Variants in FUT8 observed in about 807,000 individuals in gnomAD.
FUT8 encodes alpha-(1,6)-fucosyltransferase.
Under a neutral mutation model 71.3 loss-of-function variants are expected in FUT8, and 29 were observed. That is an observed-to-expected ratio of 0.41 (90% CI 0.30 to 0.55). The LOEUF (loss-of-function observed/expected upper bound fraction) is 0.55, where lower values mean the gene tolerates loss of function less well. Among genes scored for constraint, FUT8 ranks in the 20% least tolerant of loss-of-function variants. The pLI, the probability that FUT8 is intolerant of heterozygous loss-of-function variation, is 0.34. For missense variants in FUT8, 544 were observed against 702.1 expected (o/e 0.77, Z 2.55); for synonymous variants, 254 against 239.3 (o/e 1.06, Z -0.57).
intron 7 of FUT8, among the ~76,000 whole-genome samples, chr14:65,671,249 A>G (rs1281841136): frequency 1.3e-5 from 2 of 152,152 alleles, no homozygotes; most frequent in African/African-American, 2.4e-5. Flanking sequence ...GGTTTAATAT[A>G]TAGTTTAGCC....
intron 2 of FUT8, among the ~76,000 whole-genome samples, chr14:65,478,109 C>T (rs1423909175): frequency 6.6e-6 from 1 of 152,104 alleles, no homozygotes; most frequent in African/African-American, 2.4e-5. Context: ...TCTTCTTGGA[C>T]ATACTCTTCT....
At chr14:65,577,020 A>AT (rs1181941570) in intron 3 of FUT8, among the ~76,000 whole-genome samples, 17 of 148,682 alleles carry the variant, frequency 1.1e-4, no homozygotes, top group South Asian at 2.1e-4. Context: ...AGCTAATTAA[A>AT]TTTTTTTTTT....
chr14:65,620,164 T>G (rs1406431734), intron 5 of FUT8, among the ~76,000 whole-genome samples: 1 of 152,204 alleles, frequency 6.6e-6, no homozygotes, highest in Admixed American at 6.5e-5. Flanking sequence ...TTAAATTTAT[T>G]CATTTATTTT....
At chr14:65,593,899 G>A (rs1296630140) in intron 3 of FUT8, among the ~76,000 whole-genome samples, 2 of 151,906 alleles carry the variant, frequency 1.3e-5, no homozygotes, top group Admixed American at 1.3e-4. Flanking sequence ...TAGTAGAGAT[G>A]GGATTTTGCC....
At chr14:65,534,065 A>T (rs1429884567) in intron 2 of FUT8, among the ~76,000 whole-genome samples, 2 of 152,144 alleles carry the variant, frequency 1.3e-5, no homozygotes, top group Non-Finnish European at 2.9e-5. Context: ...AGTGTTCATC[A>T]AGGATATTGA....
chr14:65,378,837 G>GTTGT, the FUT8 span, among the ~76,000 whole-genome samples: 1 of 66,830 alleles, frequency 1.5e-5, no homozygotes, highest in Non-Finnish European at 2.7e-5. Flanking sequence ...TCACAAGAAG[G>GTTGT]TTTTTTTTTT....
chr14:65,674,003 T>C (rs1892597642), intron 7 of FUT8, among the ~76,000 whole-genome samples: 1 of 152,194 alleles, frequency 6.6e-6, no homozygotes, highest in Non-Finnish European at 1.5e-5. Context: ...CTAAGATGTC[T>C]GTTGGAATCA....
chr14:65,435,378 G>A (rs745742735), intron 1 of FUT8, among the ~76,000 whole-genome samples: 1 of 152,090 alleles, frequency 6.6e-6, no homozygotes, highest in Non-Finnish European at 1.5e-5. Flanking sequence ...TAGACTTTTG[G>A]ATCAGCCTCT....
chr14:65,693,869 A>G (rs919525129), intron 7 of FUT8, among the ~76,000 whole-genome samples: 6 of 152,208 alleles, frequency 3.9e-5, no homozygotes, highest in Admixed American at 1.3e-4. Flanking sequence ...TCTTTGATCA[A>G]TATAGAGACC....
chr14:65,610,051 T>C (rs1888802619), intron 3 of FUT8, among the ~76,000 whole-genome samples: 1 of 151,934 alleles, frequency 6.6e-6, no homozygotes, highest in Admixed American at 6.6e-5. Flanking sequence ...AATATAGAAA[T>C]ATAGAATTGA....
chr14:65,643,681 C>T lies in FUT8; in HGVS notation c.597+14075C>T, dbSNP rs1235747125. On this transcript the variant is annotated intron_variant, in intron 6 of 10. Transcript: ENST00000673929. This position sits in a 1 kb window ranked among gnomAD's most constrained non-coding sequence, Gnocchi z 4.5. ...AAAAAAAAATACACACACACACACA[C>T]ACACACACACACACACACACACACA... 7.1e-6 allele frequency among the ~76,000 whole-genome samples: 1 copy of T among 141,412 alleles called. No homozygotes were observed. The highest frequency in any genetic ancestry group is 1.5e-5 in the Non-Finnish European group (1 of 66,578). 92.8% of individuals were successfully genotyped at this position (141,412 alleles called of 152,430 possible).
At position 65,474,494 on chromosome 14, in the gene FUT8, C is replaced by T. The variant is rs530464946; in HGVS notation, c.-228+18776C>T. 4.2e-5 allele frequency among the ~76,000 whole-genome samples: 6 copies of T among 143,004 alleles called. No homozygotes were observed. In the South Asian group the frequency reaches 1.4e-3, roughly 33 times the overall value. 93.8% of individuals were successfully genotyped at this position (143,004 alleles called of 152,430 possible). ...TGGCTCCCACCTGTAATCCCAGCTA[C>T]TCATGGGGCTGGGCGAATCGCTTGA... On this transcript the variant is annotated intron_variant, in intron 2 of 10. Coordinates refer to ENST00000673929, the MANE Select transcript of FUT8 (RefSeq NM_001371533.1).
intron 2 of FUT8, among the ~76,000 whole-genome samples, chr14:65,462,179 A>G (rs1043524716): frequency 1.3e-5 from 2 of 152,222 alleles, no homozygotes; most frequent in African/African-American, 2.4e-5. Context: ...CAAAAAGGGA[A>G]TAGAAAATGC....
At chr14:65,492,869 G>GT (rs1449581264) in intron 2 of FUT8, among the ~76,000 whole-genome samples, 1 of 152,098 alleles carries the variant, frequency 6.6e-6, no homozygotes, top group African/African-American at 2.4e-5. Flanking sequence ...TTTACCACAA[G>GT]TGGCAAAGTA....
At chr14:65,356,992 G>C in the FUT8 span, among the ~76,000 whole-genome samples, 1 of 152,224 alleles carries the variant, frequency 6.6e-6, no homozygotes, top group African/African-American at 2.4e-5. This position sits in a 1 kb window ranked among gnomAD's most constrained non-coding sequence, Gnocchi z 4.6. Context: ...CTCCCCAGGA[G>C]AGGTAAGAAC....
chr14:65,595,731 C>G (rs1475647684), intron 3 of FUT8, among the ~76,000 whole-genome samples: 3 of 151,282 alleles, frequency 2.0e-5, no homozygotes, highest in Non-Finnish European at 4.4e-5. Flanking sequence ...GCCTCAGCCT[C>G]CAGAGTAGCT....
intron 6 of FUT8, among the ~76,000 whole-genome samples, chr14:65,654,744 GAAC>G (rs1246693194): frequency 6.6e-6 from 1 of 151,724 alleles, no homozygotes; most frequent in Admixed American, 6.6e-5. Flanking sequence ...GGAGAAATGG[GAAC>G]AACAAAAGGA....
At chr14:65,613,827 T>C (rs1398423424) in intron 3 of FUT8, among the ~76,000 whole-genome samples, 1 of 152,078 alleles carries the variant, frequency 6.6e-6, no homozygotes, top group East Asian at 1.9e-4. Context: ...CAAAAGGCTA[T>C]GTTGGCTGGG....
chr14:65,475,672 T>TTGAGGCTGCAG (rs927286334), intron 2 of FUT8, among the ~76,000 whole-genome samples: 41 of 151,356 alleles, frequency 2.7e-4, no homozygotes, highest in African/African-American at 9.0e-4. Flanking sequence ...GCTCAGGTAT[T>TTGAGGCTGCAG]TGAGGCTGCA....
Sources: allele counts gnomAD v4.1 joint callset (sites outside exome capture counted in the v4.1 genomes callset), GRCh38; gene constraint gnomAD v4.1.1; non-coding constraint Gnocchi (gnomAD v3.1); transcripts MANE v1.5; gene names NCBI Gene and HGNC (gene_info 2026-07-23, HGNC 2026-07-21).